The following SUSD4 variants were observed in gnomAD, a reference collection of about 807,000 sequenced individuals.
The protein encoded by SUSD4 is sushi domain containing 4, also known as sushi domain-containing protein 4.
In SUSD4, 41 loss-of-function variants were observed where a neutral mutation model predicts 50.5. The ratio of observed to expected loss-of-function variants is 0.81; its 90% CI spans 0.63 to 1.05. The LOEUF is 1.05. Among genes scored for constraint, SUSD4 ranks in the 50% least tolerant of loss-of-function variants. The pLI is 0.00. For synonymous variants in SUSD4, 257 were observed against 257.3 expected (o/e 1.00, Z 0.01); for missense variants, 580 against 634.7 (o/e 0.91, Z 0.93).
At chr1:223,232,936 C>G (rs919452326) in intron 5 of SUSD4, among the ~76,000 whole-genome samples, 1 of 152,140 alleles carries the variant, frequency 6.6e-6, no homozygotes, top group Non-Finnish European at 1.5e-5. Flanking sequence ...CTGCATAACA[C>G]AAAGGTCAGG....
intron 2 of SUSD4, among the ~76,000 whole-genome samples, chr1:223,303,680 C>T (rs957832158): frequency 7.2e-5 from 11 of 152,094 alleles, no homozygotes; most frequent in Non-Finnish European, 1.5e-4. Flanking sequence ...CTTCTGGTCC[C>T]ATGAGCCGCC....
intron 5 of SUSD4, among the ~76,000 whole-genome samples, chr1:223,239,751 T>C (rs1468547619): frequency 5.3e-5 from 8 of 151,960 alleles, no homozygotes. Flanking sequence ...TACCTAAGTA[T>C]ATGTGATCAA....
At chr1:223,312,553 G>C (rs145426842) in intron 2 of SUSD4, among the ~76,000 whole-genome samples, 101 of 152,220 alleles carry the variant, frequency 6.6e-4, no homozygotes, top group African/African-American at 2.0e-3. Context: ...GAGGAATTTG[G>C]AATTACCCTG....
At chr1:223,356,569 C>T (rs1668680812) in intron 2 of SUSD4, among the ~76,000 whole-genome samples, 1 of 152,122 alleles carries the variant, frequency 6.6e-6, no homozygotes, top group South Asian at 2.1e-4. Flanking sequence ...AGCCACCGTG[C>T]CTGGCCAGAT....
chr1:223,278,793 T>C (rs1028358723), intron 3 of SUSD4, among the ~76,000 whole-genome samples: 1 of 152,236 alleles, frequency 6.6e-6, no homozygotes, highest in Middle Eastern at 3.4e-3. Flanking sequence ...GACCCCCAAG[T>C]AGCCTAACTG....
intron 2 of SUSD4, among the ~76,000 whole-genome samples, chr1:223,349,900 C>T (rs757632928): frequency 6.6e-6 from 1 of 152,136 alleles, no homozygotes; most frequent in Non-Finnish European, 1.5e-5. Context: ...AGCCTTAACC[C>T]CCAATATGAC....
chr1:223,294,690 T>G (rs1370229098), intron 2 of SUSD4, among the ~76,000 whole-genome samples: 1 of 152,218 alleles, frequency 6.6e-6, no homozygotes, highest in Non-Finnish European at 1.5e-5. Context: ...CTTGTACTTA[T>G]TAAGTAGGAG....
chr1:223,313,772 C>G (rs1666017160), intron 2 of SUSD4, among the ~76,000 whole-genome samples: 3 of 152,162 alleles, frequency 2.0e-5, no homozygotes, highest in Non-Finnish European at 4.4e-5. Context: ...AAAGTGACCT[C>G]TGGTCATCCT....
chr1:223,313,541 G>T (rs539968564), intron 2 of SUSD4, among the ~76,000 whole-genome samples: 1 of 152,068 alleles, frequency 6.6e-6, no homozygotes, highest in Non-Finnish European at 1.5e-5. Flanking sequence ...AAACCTGAGG[G>T]GGTAGTAGTG....
chr1:223,305,232 A>G (rs1427192498), intron 2 of SUSD4, among the ~76,000 whole-genome samples: 2 of 152,116 alleles, frequency 1.3e-5, no homozygotes, highest in African/African-American at 2.4e-5. Context: ...TCTAAGAGAC[A>G]GCAGCCAGCT....
intron 3 of SUSD4, among the ~76,000 whole-genome samples, chr1:223,271,305 G>C (rs185157190): frequency 6.6e-6 from 1 of 152,324 alleles, no homozygotes; most frequent in East Asian, 1.9e-4. Flanking sequence ...CCCAAGCCTT[G>C]TTTCTAAGAG....
chr1:223,245,626 G>T (rs1340145866), intron 5 of SUSD4, among the ~76,000 whole-genome samples: 4 of 152,172 alleles, frequency 2.6e-5, no homozygotes, highest in South Asian at 2.1e-4. Flanking sequence ...TGCAAAGAGT[G>T]GGAACTGGCA....
At chr1:223,344,919 C>T (rs1327859161) in intron 2 of SUSD4, among the ~76,000 whole-genome samples, 2 of 152,194 alleles carry the variant, frequency 1.3e-5, no homozygotes, top group Non-Finnish European at 2.9e-5. Flanking sequence ...ACAGATTCTG[C>T]AGAAATAATC....
chr1:223,264,916 C>A (rs374459999), intron 4 of SUSD4, 98 bp from the exon 5 acceptor site: 13 of 1,280,092 alleles, frequency 1.0e-5, no homozygotes, highest in Middle Eastern at 2.8e-4. Context: ...ATTCCCCCAC[C>A]TCTGAAGGTG....
intron 4 of SUSD4, among the ~76,000 whole-genome samples, chr1:223,266,681 T>G (rs962829512): frequency 6.6e-6 from 1 of 152,252 alleles, no homozygotes; most frequent in Non-Finnish European, 1.5e-5. Context: ...GTGATTTCCA[T>G]TTGCACTTCT....
chr1:223,315,225 GC>G (rs575589953), intron 2 of SUSD4, among the ~76,000 whole-genome samples: 156 of 152,320 alleles, frequency 1.0e-3, no homozygotes, highest in Non-Finnish European at 1.7e-3. Flanking sequence ...AAGCTTAACT[GC>G]CTTTGCAGAG....
intron 2 of SUSD4, among the ~76,000 whole-genome samples, chr1:223,325,653 G>C (rs574316754): frequency 1.0e-3 from 158 of 152,256 alleles, no homozygotes; most frequent in Non-Finnish European, 1.9e-3. Flanking sequence ...TTCTAGATTT[G>C]ATAAACAAAT....
intron 2 of SUSD4, 58 bp from the exon 3 acceptor site, chr1:223,292,709 C>G (rs1664577257): frequency 6.4e-7 from 1 of 1,567,410 alleles, no homozygotes; most frequent in Admixed American, 1.8e-5. Context: ...ATGCCAAGGG[C>G]CTTCCTACAT....
At chr1:223,360,164 T>C (rs1485155953) in intron 2 of SUSD4, 1 of 469,578 alleles carries the variant, frequency 2.1e-6, no homozygotes, top group Non-Finnish European at 4.4e-6. Context: ...AGAGCCTGAT[T>C]GAGTTATTTA....
Sources: gnomAD v4.1 joint callset for allele counts (sites outside exome capture counted in the v4.1 genomes callset) on GRCh38, gnomAD v4.1.1 for gene constraint, MANE v1.5 for transcripts, NCBI Gene and HGNC (gene_info 2026-07-23, HGNC 2026-07-21) for gene names.